The following INSC variants were observed in gnomAD, a reference collection of about 807,000 sequenced individuals.
INSC encodes INSC spindle orientation adaptor protein, also known as protein inscuteable homolog.
A neutral mutation model predicts 58.6 loss-of-function variants in INSC; 67 were observed. That is an observed-to-expected ratio of 1.14 (90% CI 0.94 to 1.40). INSC has a LOEUF of 1.40. Ranked by LOEUF, INSC falls within the 40% of genes most tolerant of loss-of-function variation. The pLI, the probability that INSC is intolerant of heterozygous loss-of-function variation, is 0.00. For synonymous variants in INSC, 262 were observed against 276.1 expected (o/e 0.95, Z 0.51); for missense variants, 714 against 692.0 (o/e 1.03, Z -0.36).
rs1204987305 is a variant in INSC at position 15,154,579 on chromosome 11, T to C, written c.56+5349T>C. Among the ~76,000 whole-genome samples, 7 of 152,290 alleles carry C rather than the reference T, an allele frequency of 4.6e-5. No individual in the cohort carries two copies. In the East Asian group the frequency reaches 1.2e-3, roughly 25 times the overall value. ...GTTCACTGGAAAAAAGTTTGCAATC[T>C]CATCATCAAATCCCCTGCAGGAGAG... On this transcript the variant is annotated intron_variant, in intron 2 of 12. Coordinates refer to ENST00000379556, the MANE Select transcript of INSC (RefSeq NM_001042536.3).
intron 9 of INSC, among the ~76,000 whole-genome samples, chr11:15,230,582 A>G (rs1851889174): frequency 6.6e-6 from 1 of 152,250 alleles, no homozygotes. Context: ...ACACAGATCC[A>G]AAACATATCA....
chr11:15,250,281 C>T (rs898764442), downstream of INSC, among the ~76,000 whole-genome samples: 1 of 152,186 alleles, frequency 6.6e-6, no homozygotes, highest in African/African-American at 2.4e-5. Context: ...CCTCTATGAG[C>T]TTCTGTTCTC....
At chr11:15,204,398 A>G (rs1248174429) in intron 7 of INSC, among the ~76,000 whole-genome samples, 1 of 152,240 alleles carries the variant, frequency 6.6e-6, no homozygotes, top group Non-Finnish European at 1.5e-5. Context: ...GCCAGTTTCC[A>G]TGCTCCTTTC....
intron 12 of INSC, among the ~76,000 whole-genome samples, chr11:15,244,119 CAA>C (rs1269452807): frequency 6.6e-6 from 1 of 152,060 alleles, no homozygotes; most frequent in Non-Finnish European, 1.5e-5. Context: ...CCTAATGATG[CAA>C]AAATGCATTG....
chr11:15,178,658 A>G (rs1849658332), intron 5 of INSC, among the ~76,000 whole-genome samples: 1 of 152,182 alleles, frequency 6.6e-6, no homozygotes, highest in African/African-American at 2.4e-5. Context: ...CCAACTCTGC[A>G]TTTTCCAGAT....
chr11:15,217,499 C>T (rs1851264459), intron 7 of INSC, among the ~76,000 whole-genome samples: 1 of 152,138 alleles, frequency 6.6e-6, no homozygotes, highest in Non-Finnish European at 1.5e-5. Flanking sequence ...TCTGATGCTA[C>T]AGGAATTGCC....
At chr11:15,218,844 C>T (rs1192864146) in intron 7 of INSC, among the ~76,000 whole-genome samples, 1 of 152,152 alleles carries the variant, frequency 6.6e-6, no homozygotes, top group Non-Finnish European at 1.5e-5. Context: ...CCTTTGCTCA[C>T]AATAGCTCCT....
At chr11:15,117,235 C>A (rs141481379) in intron 1 of INSC, among the ~76,000 whole-genome samples, 7 of 152,082 alleles carry the variant, frequency 4.6e-5, no homozygotes, top group South Asian at 2.1e-4. Flanking sequence ...AGCCACCATG[C>A]CTGGCCTGAG....
chr11:15,261,022 C>A, the INSC span, among the ~76,000 whole-genome samples: 1 of 152,300 alleles, frequency 6.6e-6, no homozygotes, highest in South Asian at 2.1e-4. Context: ...CATGCATCAA[C>A]TCTGATAATT....
chr11:15,188,082 C>T, intron 5 of INSC: 7 of 636,994 alleles, frequency 1.1e-5, no homozygotes, highest in Non-Finnish European at 1.4e-5. Context: ...GAGGAGTCCC[C>T]TGTCCCACAG....
At chr11:15,223,582 T>C (rs1379192996) in intron 8 of INSC, among the ~76,000 whole-genome samples, 1 of 152,216 alleles carries the variant, frequency 6.6e-6, no homozygotes, top group African/African-American at 2.4e-5. Context: ...CTTAGGTGGT[T>C]GTGTTAATAA....
intron 9 of INSC, among the ~76,000 whole-genome samples, chr11:15,230,005 A>ATTTTT (rs1296371669): frequency 3.9e-5 from 1 of 25,934 alleles, no homozygotes; most frequent in African/African-American, 1.7e-4. Flanking sequence ...ATATATATAT[A>ATTTTT]TATATATAAT....
chr11:15,224,508 C>T (rs1564913268), intron 8 of INSC, among the ~76,000 whole-genome samples: 1 of 152,222 alleles, frequency 6.6e-6, no homozygotes, highest in Non-Finnish European at 1.5e-5. Context: ...TTTTGTCTCC[C>T]AAACTTTCTT....
chr11:15,137,349 CAA>C (rs1848269677), intron 1 of INSC, among the ~76,000 whole-genome samples: 1 of 152,220 alleles, frequency 6.6e-6, no homozygotes, highest in Non-Finnish European at 1.5e-5. Context: ...TAGTCCCTAA[CAA>C]GAGAGTCAGC....
chr11:15,116,804 CT>C (rs1406819482), intron 1 of INSC, among the ~76,000 whole-genome samples: 30 of 64,442 alleles, frequency 4.7e-4, no homozygotes, highest in African/African-American at 5.5e-4. Context: ...TCTTTTCTTT[CT>C]TTTCTTTCTT....
At chr11:15,206,600 T>G (rs1325596760) in intron 7 of INSC, among the ~76,000 whole-genome samples, 1 of 152,072 alleles carries the variant, frequency 6.6e-6, no homozygotes, top group African/African-American at 2.4e-5. Context: ...GAACCCAGCC[T>G]GGTCAGGGTG....
chr11:15,211,464 A>G (rs1851022052), intron 7 of INSC, among the ~76,000 whole-genome samples: 1 of 152,194 alleles, frequency 6.6e-6, no homozygotes, highest in African/African-American at 2.4e-5. Context: ...CTTAAGATAC[A>G]TATTATCAGC....
At chr11:15,174,197 T>C (rs769720233) in intron 2 of INSC, among the ~76,000 whole-genome samples, 4 of 152,162 alleles carry the variant, frequency 2.6e-5, no homozygotes, top group Non-Finnish European at 5.9e-5. Context: ...TGCTGATCTC[T>C]CTCCTTGGAG....
chr11:15,125,486 T>C (rs1337001533), intron 1 of INSC, among the ~76,000 whole-genome samples: 2 of 152,218 alleles, frequency 1.3e-5, no homozygotes, highest in Non-Finnish European at 1.5e-5. Context: ...TAGGAGCCTA[T>C]TATAGTGATT....
Sources: gnomAD v4.1 joint callset for allele counts (sites outside exome capture counted in the v4.1 genomes callset) on GRCh38, gnomAD v4.1.1 for gene constraint, MANE v1.5 for transcripts, NCBI Gene and HGNC (gene_info 2026-07-23, HGNC 2026-07-21) for gene names.